Variants in PDXDC1 observed in about 807,000 individuals in gnomAD.
PDXDC1 encodes the protein pyridoxal-dependent decarboxylase domain-containing protein 1.
PDXDC1 carries 42 observed loss-of-function variants against 100.1 expected under a neutral mutation model. The ratio of observed to expected loss-of-function variants is 0.42; its 90% CI spans 0.33 to 0.54. The LOEUF (loss-of-function observed/expected upper bound fraction) is 0.54, where lower values mean the gene tolerates loss of function less well. Ranked by LOEUF, PDXDC1 falls within the 20% of genes least tolerant of loss-of-function variation. PDXDC1 has a pLI of 0.10. For missense variants in PDXDC1, 636 were observed against 979.2 expected (o/e 0.65, Z 4.68); for synonymous variants, 260 against 371.7 (o/e 0.70, Z 3.46).
chr16:15,030,132 C>T, intron 16 of PDXDC1, 76 bp downstream of exon 16: 3 of 1,228,198 alleles, frequency 2.4e-6, no homozygotes, highest in East Asian at 5.3e-5. Flanking sequence ...TTATGATACT[C>T]CATTCTCCTA....
intron 15 of PDXDC1, chr16:15,029,576 G>T (rs1004944622): frequency 4.8e-6 from 2 of 417,766 alleles, no homozygotes; most frequent in Non-Finnish European, 8.2e-6. Context: ...ATCAATGCAG[G>T]TTACTAAGCA....
chr16:14,986,215 G>A (rs1327476458), intron 1 of PDXDC1, among the ~76,000 whole-genome samples: 2 of 152,146 alleles, frequency 1.3e-5, no homozygotes, highest in African/African-American at 2.4e-5. Flanking sequence ...GCTCACGCCT[G>A]TAATCCCAGC....
At chr16:15,140,806 A>C (rs1259143640), downstream of PDXDC1, among the ~76,000 whole-genome samples, 3 of 150,624 alleles carry the variant, frequency 2.0e-5, no homozygotes, top group African/African-American at 4.9e-5. Flanking sequence ...GGTCCCACGC[A>C]CTCCCAGTAG....
chr16:15,022,370 T>A (rs1312933583), intron 12 of PDXDC1, among the ~76,000 whole-genome samples: 1 of 152,294 alleles, frequency 6.6e-6, no homozygotes, highest in Non-Finnish European at 1.5e-5. Context: ...CTGCATCCTC[T>A]CATTTGTCGT....
intron 16 of PDXDC1, chr16:15,047,640 C>T: frequency 9.7e-7 from 1 of 1,036,138 alleles, no homozygotes; most frequent in Non-Finnish European, 1.5e-6. Context: ...CGGACCGCCT[C>T]ATCTTTGAAT....
intron 16 of PDXDC1, chr16:15,068,366 T>G (rs1199754863): frequency 6.8e-7 from 1 of 1,462,064 alleles, no homozygotes. Flanking sequence ...TATCACACAT[T>G]TAAAAAAAAC....
At chr16:15,041,292 G>T (rs545418801), downstream of PDXDC1, among the ~76,000 whole-genome samples, 1 of 152,240 alleles carries the variant, frequency 6.6e-6, no homozygotes, top group Non-Finnish European at 1.5e-5. Context: ...AGGCAGGGGG[G>T]TTTATACTGA....
At chr16:15,066,071 C>G (rs944362688) in intron 16 of PDXDC1, among the ~76,000 whole-genome samples, 4 of 152,226 alleles carry the variant, frequency 2.6e-5, no homozygotes, top group Non-Finnish European at 5.9e-5. Context: ...TCAGATCTCA[C>G]TTCTGTCACT....
intron 3 of PDXDC1, among the ~76,000 whole-genome samples, chr16:15,001,205 A>G (rs1184561805): frequency 6.6e-6 from 1 of 152,000 alleles, no homozygotes; most frequent in Non-Finnish European, 1.5e-5. Flanking sequence ...AAATAAAAAA[A>G]CGGCTGGGCG....
chr16:14,992,191 AAG>A (rs1971001558), intron 1 of PDXDC1, among the ~76,000 whole-genome samples: 1 of 152,304 alleles, frequency 6.6e-6, no homozygotes, highest in African/African-American at 2.4e-5. Flanking sequence ...CAACATTGTC[AAG>A]CAACAAGTCT....
intron 22 of PDXDC1, 134 bp from the exon 23 acceptor site, chr16:15,035,882 A>G: frequency 1.0e-6 from 1 of 973,368 alleles, no homozygotes; most frequent in Admixed American, 2.3e-5. Flanking sequence ...TCATCTCCTA[A>G]AACACCTCAG....
At chr16:15,101,612 C>T (rs1328356377) in intron 16 of PDXDC1, among the ~76,000 whole-genome samples, 1 of 149,452 alleles carries the variant, frequency 6.7e-6, no homozygotes, top group African/African-American at 2.5e-5. Context: ...CCTGTAGTCC[C>T]AGGTACTCAA....
chr16:15,086,703 A>C (rs2045928005), intron 16 of PDXDC1, among the ~76,000 whole-genome samples: 1 of 152,224 alleles, frequency 6.6e-6, no homozygotes, highest in African/African-American at 2.4e-5. Context: ...CAGCCTGATC[A>C]CTTCTGTTTG....
chr16:14,990,913 G>A (rs1193572120), intron 1 of PDXDC1, among the ~76,000 whole-genome samples: 34 of 152,248 alleles, frequency 2.2e-4, no homozygotes, highest in Non-Finnish European at 5.9e-5. Context: ...GCTAATTTTT[G>A]TATTTTTAGT....
chr16:15,049,430 TC>T (rs2044211230), intron 16 of PDXDC1, among the ~76,000 whole-genome samples: 2 of 139,412 alleles, frequency 1.4e-5, no homozygotes, highest in African/African-American at 5.1e-5. Context: ...ATTTCTTTTA[TC>T]TTATTTTTTT....
At chr16:15,027,872 G>A (rs1286472113) in intron 14 of PDXDC1, among the ~76,000 whole-genome samples, 1 of 152,276 alleles carries the variant, frequency 6.6e-6, no homozygotes, top group Non-Finnish European at 1.5e-5. Flanking sequence ...GCAACATTTG[G>A]GGGAAGGCAG....
intron 16 of PDXDC1, chr16:15,071,361 C>T (rs564226584): frequency 1.3e-5 from 13 of 992,852 alleles, no homozygotes; most frequent in Non-Finnish European, 1.9e-5. Context: ...TCTACTATCT[C>T]ATAACTATCT....
intron 4 of PDXDC1, among the ~76,000 whole-genome samples, chr16:15,003,253 A>AT (rs1973550886): frequency 7.8e-6 from 1 of 128,800 alleles, no homozygotes; most frequent in South Asian, 2.3e-4. Context: ...GTCTTACTCT[A>AT]TTGCCCAGGC....
chr16:15,033,123 C>G, intron 18 of PDXDC1, 144 bp downstream of exon 18: 2 of 990,482 alleles, frequency 2.0e-6, no homozygotes, highest in Non-Finnish European at 3.1e-6. Context: ...CCTCCCTCCC[C>G]TTCTGCAGCC....
Sources: allele counts gnomAD v4.1 joint callset (sites outside exome capture counted in the v4.1 genomes callset), GRCh38; gene constraint gnomAD v4.1.1; transcripts MANE v1.5; gene names NCBI Gene and HGNC (gene_info 2026-07-23, HGNC 2026-07-21).